Variants in ALPK1 observed in about 807,000 individuals in gnomAD.
ALPK1 encodes alpha-protein kinase 1.
ALPK1 carries 110 observed loss-of-function variants against 120.6 expected under a neutral mutation model. The ratio of observed to expected loss-of-function variants is 0.91; its 90% CI spans 0.78 to 1.07. The LOEUF (loss-of-function observed/expected upper bound fraction) is 1.07, where lower values mean the gene tolerates loss of function less well. Ranked by LOEUF, ALPK1 falls within the 50% of genes least tolerant of loss-of-function variation. The probability of loss-of-function intolerance (pLI) is 0.00; values close to 1 mark genes in which losing one functional copy is unlikely to be tolerated. For synonymous variants in ALPK1, 582 were observed against 560.3 expected (o/e 1.04, Z -0.55); for missense variants, 1,498 against 1,483.9 (o/e 1.01, Z -0.16).
At chr4:112,379,609 C>T (rs938064191) in intron 3 of ALPK1, among the ~76,000 whole-genome samples, 3 of 152,230 alleles carry the variant, frequency 2.0e-5, no homozygotes, top group Non-Finnish European at 4.4e-5. Flanking sequence ...CCGATGTCGT[C>T]ACCGCATGTG....
intron 1 of ALPK1, among the ~76,000 whole-genome samples, chr4:112,308,796 T>C (rs538329587): frequency 3.0e-4 from 46 of 152,276 alleles, no homozygotes; most frequent in Admixed American, 4.6e-4. Flanking sequence ...GGAGAGGAGC[T>C]GCGTTCCTTT....
At chr4:112,315,415 T>C (rs1194795211) in intron 1 of ALPK1, among the ~76,000 whole-genome samples, 1 of 152,222 alleles carries the variant, frequency 6.6e-6, no homozygotes, top group African/African-American at 2.4e-5. Context: ...TTATCAGATA[T>C]GACCACCACT....
intron 4 of ALPK1, among the ~76,000 whole-genome samples, chr4:112,397,256 C>G (rs1732692469): frequency 6.6e-6 from 1 of 152,216 alleles, no homozygotes; most frequent in African/African-American, 2.4e-5. Context: ...CCAATATTGG[C>G]TTCTTTTCCA....
intron 12 of ALPK1, among the ~76,000 whole-genome samples, chr4:112,438,258 A>G (rs1734872658): frequency 6.6e-6 from 1 of 152,166 alleles, no homozygotes; most frequent in Non-Finnish European, 1.5e-5. Context: ...TCCCTTTATA[A>G]TCAGTATCAT....
intron 2 of ALPK1, among the ~76,000 whole-genome samples, chr4:112,318,558 A>G (rs932282762): frequency 6.6e-6 from 1 of 152,252 alleles, no homozygotes; most frequent in African/African-American, 2.4e-5. Flanking sequence ...TGCAACTACC[A>G]TGACAGCAAT....
At position 112,431,522 on chromosome 4, in the gene ALPK1, G is replaced by A. The variant is rs1489207579; in HGVS notation, c.1975G>A (p.Glu659Lys). ...TCAGGAACCCAACAATGACAATTTG[G>A]AGCCTTCTCAAAATCAGCCACAGCA... ...SLQEPNNDNL[E>K]PSQNQPQQQM... The change falls in exon 11 of 16, where the codon GAG (glutamate) becomes AAG (lysine). Residue 659 changes from glutamate to lysine, a missense_variant. Coordinates refer to ENST00000650871, the MANE Select transcript of ALPK1 (RefSeq NM_025144.4). 1.2e-6 allele frequency: 2 copies of A among 1,614,012 alleles called. No homozygotes were observed. Among genetic ancestry groups the A allele is most frequent in the Middle Eastern group, 1.6e-4 (1 of 6,084 alleles).
intron 4 of ALPK1, among the ~76,000 whole-genome samples, chr4:112,404,329 A>G (rs1042791460): frequency 5.3e-5 from 8 of 152,116 alleles, no homozygotes; most frequent in Admixed American, 2.0e-4. Flanking sequence ...CATTTTTTTC[A>G]TGGTGTTCCA....
At chr4:112,325,669 A>T (rs72666233) in intron 2 of ALPK1, among the ~76,000 whole-genome samples, 1 of 152,112 alleles carries the variant, frequency 6.6e-6, no homozygotes, top group Non-Finnish European at 1.5e-5. Context: ...TCCCTGCCCC[A>T]CTTTGTCCTG....
chr4:112,419,827 G>A (rs899325323), intron 5 of ALPK1, among the ~76,000 whole-genome samples: 2 of 152,088 alleles, frequency 1.3e-5, no homozygotes, highest in African/African-American at 4.8e-5. Context: ...CATATCTTTT[G>A]GTAATGATAC....
At chr4:112,382,189 C>A (rs758069433) in intron 3 of ALPK1, among the ~76,000 whole-genome samples, 1 of 152,082 alleles carries the variant, frequency 6.6e-6, no homozygotes, top group African/African-American at 2.4e-5. Context: ...AGGGCAAAGT[C>A]GGCCAGGGCC....
intron 2 of ALPK1, among the ~76,000 whole-genome samples, chr4:112,349,462 A>G (rs1730235735): frequency 6.6e-6 from 1 of 151,918 alleles, no homozygotes; most frequent in Non-Finnish European, 1.5e-5. Context: ...ACTATGTGCT[A>G]GGCAATTTTT....
chr4:112,369,423 T>G (rs912297089), intron 2 of ALPK1, among the ~76,000 whole-genome samples: 3 of 152,222 alleles, frequency 2.0e-5, no homozygotes, highest in African/African-American at 7.2e-5. Context: ...GGATTGTCAT[T>G]GCTTGGTGCC....
In ALPK1 at chr4:112,350,064, A is replaced by G. The variant is rs111839864; in HGVS notation, c.-100-27614A>G. Among the ~76,000 whole-genome samples, 409 of 152,300 alleles carry G rather than the reference A, an allele frequency of 2.7e-3. 2 individuals are homozygous for G. Among genetic ancestry groups the G allele is most frequent in the African/African-American group, 9.3e-3 (386 of 41,578 alleles). On this transcript the variant is annotated intron_variant, in intron 2 of 15. Coordinates refer to ENST00000650871, the MANE Select transcript of ALPK1 (RefSeq NM_025144.4). ...TCTAGGAAGCCTCACTGCAAAGTGC[A>G]TGTGCTTAACTTGGCTGTTTATTGA...
chr4:112,419,867 T>A (rs2148754995), intron 5 of ALPK1, among the ~76,000 whole-genome samples: 1 of 152,340 alleles, frequency 6.6e-6, no homozygotes, highest in South Asian at 2.1e-4. Context: ...TTTCTTTATT[T>A]GTGAAATGAA....
chr4:112,434,539 T>C (rs943491408), intron 11 of ALPK1, among the ~76,000 whole-genome samples: 3 of 152,272 alleles, frequency 2.0e-5, no homozygotes, highest in African/African-American at 7.2e-5. Context: ...CTTTCTTGCT[T>C]AGCACTGTTC....
chr4:112,300,681 T>C (rs1275315107), intron 1 of ALPK1, among the ~76,000 whole-genome samples: 1 of 151,686 alleles, frequency 6.6e-6, no homozygotes, highest in Non-Finnish European at 1.5e-5. Context: ...TTCAGTCTAA[T>C]AATTCTTTTG....
rs368572341 is a variant in ALPK1 at position 112,418,293 on chromosome 4, C to T, written c.476-5651C>T. Among the ~76,000 whole-genome samples, 20 of 152,316 alleles carry T rather than the reference C, an allele frequency of 1.3e-4. No individual in the cohort carries two copies. In the East Asian group the frequency reaches 2.5e-3, roughly 19 times the overall value. On this transcript the variant is annotated intron_variant, in intron 5 of 15. Transcript: ENST00000650871. ...TCTGAATGTTGGGGGAAGCCATCCA[C>T]GGGGAGGCGCTGTGTCTTAGAACTC...
chr4:112,345,852 T>C (rs544792552), intron 2 of ALPK1, among the ~76,000 whole-genome samples: 2 of 152,162 alleles, frequency 1.3e-5, no homozygotes, highest in South Asian at 4.1e-4. Context: ...TTTCTAAGTA[T>C]TTCAGAATGT....
chr4:112,410,731 G>T (rs1733415763), intron 4 of ALPK1, among the ~76,000 whole-genome samples: 1 of 152,182 alleles, frequency 6.6e-6, no homozygotes, highest in Non-Finnish European at 1.5e-5. Context: ...CAGAGCAAAA[G>T]ATGATGATGT....
Sources: gnomAD v4.1 joint callset for allele counts (sites outside exome capture counted in the v4.1 genomes callset) on GRCh38, gnomAD v4.1.1 for gene constraint, MANE v1.5 for transcripts, NCBI Gene and HGNC (gene_info 2026-07-23, HGNC 2026-07-21) for gene names.